Variants in ATP8A2 observed in about 807,000 individuals in gnomAD.
ATP8A2 encodes ATPase phospholipid transporting 8A2.
Under a neutral mutation model 165.6 loss-of-function variants are expected in ATP8A2, and 100 were observed. The ratio of observed to expected loss-of-function variants is 0.60; its 90% CI spans 0.51 to 0.71. The LOEUF is 0.71. Ranked by LOEUF, ATP8A2 falls within the 30% of genes least tolerant of loss-of-function variation. The probability of loss-of-function intolerance (pLI) is 0.00; values close to 1 mark genes in which losing one functional copy is unlikely to be tolerated. For missense variants in ATP8A2, 1,227 were observed against 1,479.5 expected (o/e 0.83, Z 2.80); for synonymous variants, 543 against 548.8 (o/e 0.99, Z 0.15).
chr13:25,639,799 C>T (rs1326519007), intron 24 of ATP8A2, among the ~76,000 whole-genome samples: 3 of 152,174 alleles, frequency 2.0e-5, no homozygotes, highest in African/African-American at 7.2e-5. Context: ...ACAGAATATA[C>T]ATTACTCTCA....
chr13:25,769,096 T>G lies in ATP8A2; in HGVS notation c.2435T>G (p.Val812Gly), dbSNP rs1593317061. The change falls in exon 26 of 37, where the codon GTG becomes GGG. Residue 812 changes from valine (V) to glycine (G), a missense_variant. By Grantham distance (109) the Val-to-Gly change is moderately radical (BLOSUM62 -3). Coordinates refer to ENST00000381655, the MANE Select transcript of ATP8A2 (RefSeq NM_016529.6). Reference protein sequence around the residue: ...SEIVDVVKKRVKAITLAIGDG... With the variant: ...SEIVDVVKKRGKAITLAIGDG... ...ATAGTGGATGTGGTGAAGAAGCGGG[T>G]GAAGGCCATCACCCTCGCCATCGGA... 1.2e-6 allele frequency: 2 copies of G among 1,614,112 alleles called. No homozygotes were observed. The highest frequency in any genetic ancestry group is 1.7e-6 in the Non-Finnish European group (2 of 1,180,018).
rs928830766 is a variant in ATP8A2, at chr13:25,739,890, A to G, written c.2385-29156A>G. The stretch of plus-strand genomic sequence containing the variant: ...TGGGAAAAAATAATGTAAAATGCAG[A>G]ACCTAAGTGAACAGAAGAAATGTGC... On this transcript the variant is annotated intron_variant, in intron 25 of 36. Transcript: ENST00000381655. Among the ~76,000 whole-genome samples the G allele has an allele frequency of 3.3e-5, 5 of 152,360 alleles. No homozygotes were observed. The East Asian group carries it at 9.6e-4, about 29-fold the overall frequency.
intron 35 of ATP8A2, among the ~76,000 whole-genome samples, chr13:25,991,984 T>A (rs1005292156): frequency 1.3e-5 from 2 of 151,152 alleles, no homozygotes; most frequent in Non-Finnish European, 2.9e-5. Flanking sequence ...GGGCTGCACA[T>A]TAGTGGAGGG....
At chr13:25,690,188 C>T (rs1457219596) in intron 24 of ATP8A2, among the ~76,000 whole-genome samples, 1 of 150,366 alleles carries the variant, frequency 6.7e-6, no homozygotes, top group African/African-American at 2.4e-5. Context: ...AATTTTCTTT[C>T]AGTAAATAGT....
At chr13:25,831,195 G>T (rs1411234813) in intron 28 of ATP8A2, among the ~76,000 whole-genome samples, 2 of 148,452 alleles carry the variant, frequency 1.3e-5, no homozygotes, top group Admixed American at 1.4e-4. Flanking sequence ...GTAGCAAGTC[G>T]TTGTTCCTCA....
intron 33 of ATP8A2, among the ~76,000 whole-genome samples, chr13:25,934,222 G>A (rs78269781): frequency 0.096 from 14,638 of 152,226 alleles, 765 homozygotes; most frequent in African/African-American, 0.12. Flanking sequence ...AGGATTTCTA[G>A]TATGTACGGG....
rs140974615 is a variant in ATP8A2, at chr13:26,001,077, C to T, written c.3378-11454C>T. Among the ~76,000 whole-genome samples the T allele has an allele frequency of 5.5e-3, 840 of 152,260 alleles. 11 individuals are homozygous for T. Among genetic ancestry groups the T allele is most frequent in the African/African-American group, 0.019 (791 of 41,536 alleles). On this transcript the variant is annotated intron_variant, in intron 35 of 36. Transcript: ENST00000381655. ...CCCTACAGCCCCTGGCAAACACGAG[C>T]CTGTTTTCAGTCTTTACATATTTGC...
At chr13:25,429,655 G>A (rs2034551145) in intron 1 of ATP8A2, among the ~76,000 whole-genome samples, 1 of 152,206 alleles carries the variant, frequency 6.6e-6, no homozygotes, top group Admixed American at 6.5e-5. Context: ...TGGTACCAGT[G>A]GGGAGATACA....
rs111936410 is a variant in ATP8A2, at chr13:25,602,779, A to C, written c.2211+13080A>C. ...TGACATGATCTGATTTACCTTTTAA[A>C]AGGATATCTGGGCCAGGCACAGTGG... On this transcript the variant is annotated intron_variant, in intron 24 of 36. Transcript: ENST00000381655. Among the ~76,000 whole-genome samples, 180 of 152,292 alleles carry C rather than the reference A, an allele frequency of 1.2e-3. 3 individuals carry two copies. The highest frequency in any genetic ancestry group is 4.0e-3 in the African/African-American group (167 of 41,560).
intron 33 of ATP8A2, among the ~76,000 whole-genome samples, chr13:25,935,048 A>G (rs1954847373): frequency 6.6e-6 from 1 of 152,216 alleles, no homozygotes; most frequent in Non-Finnish European, 1.5e-5. Flanking sequence ...TACTAAGCTA[A>G]GCTATATATA....
chr13:25,730,288 T>C (rs2043591785), intron 25 of ATP8A2, among the ~76,000 whole-genome samples: 1 of 152,066 alleles, frequency 6.6e-6, no homozygotes, highest in South Asian at 2.1e-4. Context: ...TGAGACCCTG[T>C]CTCAACAACA....
chr13:25,482,835 C>T (rs1416593308), intron 2 of ATP8A2, among the ~76,000 whole-genome samples: 6 of 152,204 alleles, frequency 3.9e-5, no homozygotes, highest in Non-Finnish European at 7.3e-5. Context: ...GGGACTTGCT[C>T]CTCCTTGCCT....
intron 33 of ATP8A2, among the ~76,000 whole-genome samples, chr13:25,937,376 T>TTTTTTTTTTTTTTTTTTTTTC (rs1483699691): frequency 1.4e-5 from 2 of 142,712 alleles, no homozygotes; most frequent in Non-Finnish European, 3.1e-5. Flanking sequence ...TTTTTTTTTT[T>TTTTTTTTTTTTTTTTTTTTTC]TTTGAACAGC....
intron 24 of ATP8A2, among the ~76,000 whole-genome samples, chr13:25,644,459 T>C (rs950643517): frequency 1.3e-5 from 2 of 152,150 alleles, no homozygotes; most frequent in African/African-American, 4.8e-5. Context: ...GCAAATTCAA[T>C]TTGCTGTATT....
intron 30 of ATP8A2, among the ~76,000 whole-genome samples, chr13:25,849,386 A>C (rs1951952455): frequency 6.6e-6 from 1 of 152,218 alleles, no homozygotes; most frequent in Non-Finnish European, 1.5e-5. Flanking sequence ...GCCATTTCTG[A>C]ATACATTTTG....
At chr13:25,630,768 G>T (rs909929068) in intron 24 of ATP8A2, among the ~76,000 whole-genome samples, 11 of 152,016 alleles carry the variant, frequency 7.2e-5, no homozygotes, top group Non-Finnish European at 1.3e-4. Context: ...AATGTGCCTG[G>T]CTAATGAATA....
chr13:25,828,460 C>T (rs1951375211), intron 28 of ATP8A2, among the ~76,000 whole-genome samples: 1 of 152,194 alleles, frequency 6.6e-6, no homozygotes, highest in African/African-American at 2.4e-5. Context: ...CTTGTTACCC[C>T]CTTACTACAT....
chr13:25,807,958 C>G (rs1285734974), intron 27 of ATP8A2, among the ~76,000 whole-genome samples: 1 of 152,134 alleles, frequency 6.6e-6, no homozygotes, highest in Non-Finnish European at 1.5e-5. Flanking sequence ...GCATCTGATA[C>G]TGAGGCTCTA....
intron 1 of ATP8A2, among the ~76,000 whole-genome samples, chr13:25,392,677 A>G (rs993669623): frequency 1.3e-5 from 2 of 152,212 alleles, no homozygotes; most frequent in South Asian, 2.1e-4. Context: ...TCTTCTTACA[A>G]AAACAAGACC....
Sources: allele counts gnomAD v4.1 joint callset (sites outside exome capture counted in the v4.1 genomes callset), GRCh38; gene constraint gnomAD v4.1.1; transcripts MANE v1.5; gene names NCBI Gene and HGNC (gene_info 2026-07-23, HGNC 2026-07-21).